The following KNG1 variants were observed in gnomAD, a reference collection of about 807,000 sequenced individuals.
KNG1 encodes kininogen 1, also known as kininogen-1.
In KNG1, 23 loss-of-function variants were observed where a neutral mutation model predicts 47.8. The ratio of observed to expected loss-of-function variants is 0.48; its 90% CI spans 0.35 to 0.68. The LOEUF is 0.68. Among genes scored for constraint, KNG1 ranks in the 30% least tolerant of loss-of-function variants. The pLI is 0.01. For synonymous variants in KNG1, 277 were observed against 277.0 expected, an observed-to-expected ratio of 1.00 and a Z score of 0.00; for missense variants, 762 against 790.2, an observed-to-expected ratio of 0.96 and a Z score of 0.43.
rs1213320581 is a variant in KNG1 at position 186,742,379 on chromosome 3, A to G, written c.*48A>G. 1 of 1,607,804 alleles carries G rather than the reference A, an allele frequency of 6.2e-7. No individual in the cohort carries two copies. The highest frequency in any genetic ancestry group is 1.1e-5 in the South Asian group (1 of 90,788). On this transcript the variant is annotated 3_prime_UTR_variant, in exon 10 of 10. Coordinates refer to ENST00000644859, the MANE Select transcript of KNG1 (RefSeq NM_001102416.3). ...TTTCATACTTTATTAAAGTATCAATATCCCTCTCTCCATTGTCCAGATGAA... is the reference window on the plus strand; with the variant it reads ...TTTCATACTTTATTAAAGTATCAATGTCCCTCTCTCCATTGTCCAGATGAA...
chr3:186,732,784 G>C (rs756392478), intron 7 of KNG1, 110 bp downstream of exon 7: 2 of 863,860 alleles, frequency 2.3e-6, no homozygotes, highest in Non-Finnish European at 4.0e-6. Context: ...ATTTGATAAT[G>C]TGATTTGGTG....
Position 186,732,657 on chromosome 3 carries a change from A to G in KNG1, c.913A>G (p.Lys305Glu), listed in dbSNP as rs769504916. The G allele has an allele frequency of 3.1e-6, 5 of 1,613,698 alleles. No individual in the cohort carries two copies. The highest frequency in any genetic ancestry group is 3.3e-5 in the Admixed American group (2 of 60,006). ...TTTCTATTTCAAGATTGACAATGTG[A>G]AAAAAGCAAGAGTACAGGTGTGTAA... The part of the protein sequence containing the change: ...ATFYFKIDNV[K>E]KARVQVVAGK... Residue 305 changes from lysine to glutamate, a missense_variant, in exon 7 of 10, where the codon AAA becomes GAA. Physicochemically the swap from Lys to Glu is moderately conservative, Grantham distance 56 (BLOSUM62 1). Coordinates refer to ENST00000644859, the MANE Select transcript of KNG1 (RefSeq NM_001102416.3).
intron 9 of KNG1, among the ~76,000 whole-genome samples, chr3:186,739,694 T>C (rs1720758285): frequency 6.6e-6 from 1 of 152,364 alleles, no homozygotes; most frequent in Middle Eastern, 3.4e-3. Flanking sequence ...ACATTGGCTA[T>C]GCCAGGTGTA....
chr3:186,722,374 A>T, intron 2 of KNG1, 63 bp from the exon 3 acceptor site: 1 of 1,294,980 alleles, frequency 7.7e-7, no homozygotes, highest in South Asian at 1.2e-5. Flanking sequence ...ATTTAGCAAC[A>T]GTATTAGGTA....
rs773141449 is a variant in KNG1 at position 186,741,842 on chromosome 3, T to A, written c.1446T>A (p.Asp482Glu). ...GHGHKFKLDD[D>E]LEHQGGHVLD... ...GACATAAGTTCAAACTTGATGATGA[T>A]CTTGAACACCAAGGGGGCCATGTCC... The change falls in exon 10 of 10, where the codon GAT becomes GAA. Residue 482 changes from aspartate to glutamate, a missense_variant. Asp to Glu is a conservative substitution (Grantham distance 45, BLOSUM62 2). Coordinates refer to ENST00000644859, the MANE Select transcript of KNG1 (RefSeq NM_001102416.3). 72 of 1,613,606 alleles carry A rather than the reference T, an allele frequency of 4.5e-5. No homozygotes were observed. Among genetic ancestry groups the A allele is most frequent in the Admixed American group, 8.3e-5 (5 of 59,920 alleles).
chr3:186,722,403 A>G (rs1352925491), intron 2 of KNG1, 34 bp from the exon 3 acceptor site: 1 of 1,545,056 alleles, frequency 6.5e-7, no homozygotes, highest in Admixed American at 1.7e-5. Context: ...CATCTGAAAG[A>G]TTAAGATAAA....
chr3:186,732,585 A>T lies in KNG1; in HGVS notation c.841A>T (p.Thr281Ser). ...IPTNSPELEE[T>S]LTHTITKLNA... ...CACCAACAGCCCAGAGCTGGAGGAGACACTGACTCACACCATCACAAAGCT... is the reference window on the plus strand; with the variant it reads ...CACCAACAGCCCAGAGCTGGAGGAGTCACTGACTCACACCATCACAAAGCT... Residue 281 changes from threonine to serine, a missense_variant, in exon 7 of 10, where the codon ACA (threonine) becomes TCA (serine). Thr to Ser is a moderately conservative substitution (Grantham distance 58). Coordinates refer to ENST00000644859, the MANE Select transcript of KNG1 (RefSeq NM_001102416.3). The T allele has an allele frequency of 6.2e-7, 1 of 1,613,924 alleles. No homozygotes were observed.
At chr3:186,732,280 T>C (rs1624569) in intron 6 of KNG1, among the ~76,000 whole-genome samples, 57,078 of 151,986 alleles carry the variant, frequency 0.38, 10,841 homozygotes, top group South Asian at 0.48. Context: ...TTACTCGCAC[T>C]TTCCTATTGA....
intron 4 of KNG1, among the ~76,000 whole-genome samples, chr3:186,725,623 C>A (rs1178912387): frequency 7.0e-6 from 1 of 143,126 alleles, no homozygotes; most frequent in East Asian, 2.0e-4. Context: ...CGGCTCACTG[C>A]AAGCTCCGCC....
chr3:186,731,496 C>A, intron 5 of KNG1, 49 bp from the exon 6 acceptor site: 1 of 1,087,324 alleles, frequency 9.2e-7, no homozygotes, highest in South Asian at 1.3e-5. Flanking sequence ...ACTTTTAAGA[C>A]TCTAAAAAAT....
intron 2 of KNG1, chr3:186,721,980 T>C (rs1720212779): frequency 5.8e-6 from 1 of 172,300 alleles, no homozygotes; most frequent in South Asian, 1.3e-4. Context: ...CTGGGTGTGG[T>C]GGCACGTGCA....
At chr3:186,730,666 AAAAAAAAAAAAAAAAAAATATATATATAT>A (rs1162767094) in intron 5 of KNG1, among the ~76,000 whole-genome samples, 41 of 74,218 alleles carry the variant, frequency 5.5e-4, no homozygotes, top group South Asian at 8.4e-4. Flanking sequence ...AAAAAAAAAA[AAAAAAAAAAAAAAAAAAATATATATATAT>A]ATATATATAT....
intron 5 of KNG1, among the ~76,000 whole-genome samples, chr3:186,730,990 T>C (rs539755793): frequency 1.3e-5 from 2 of 152,222 alleles, no homozygotes; most frequent in African/African-American, 4.8e-5. Flanking sequence ...CGTGTAATTT[T>C]TTCTACTTTA....
At chr3:186,727,447 C>T (rs1260387286) in intron 5 of KNG1, 103 bp downstream of exon 5, 3 of 769,988 alleles carry the variant, frequency 3.9e-6, no homozygotes, top group Admixed American at 1.9e-5. Context: ...GTTTAGATGA[C>T]ATTCAGCAAT....
At chr3:186,725,054 A>G (rs1720315433) in intron 3 of KNG1, 34 bp from the exon 4 acceptor site, 3 of 1,612,274 alleles carry the variant, frequency 1.9e-6, no homozygotes, top group Non-Finnish European at 2.5e-6. Context: ...GATTGCGATC[A>G]TTAATGCTGT....
At chr3:186,727,102 G>A (rs909093561) in intron 4 of KNG1, 135 bp from the exon 5 acceptor site, 1 of 680,544 alleles carries the variant, frequency 1.5e-6, no homozygotes, top group Non-Finnish European at 2.6e-6. Context: ...TTTTTGCCTA[G>A]TAATAATAAT....
chr3:186,741,785 T>C lies in KNG1; in HGVS notation c.1389T>C (p.His463=), dbSNP rs1720819215. 1 of 1,613,904 alleles carries C rather than the reference T, an allele frequency of 6.2e-7. No individual in the cohort carries two copies. The highest frequency in any genetic ancestry group is 8.5e-7 in the Non-Finnish European group (1 of 1,179,974). ...HGHQRGHGLG[H]GHEQQHGLGH... is the part of the protein sequence containing the mutation. ...ACCAAAGAGGACATGGCCTTGGCCA[T>C]GGACACGAACAACAGCATGGTCTTG... Residue 463 remains histidine (H), a synonymous_variant, in exon 10 of 10, where the codon CAT becomes CAC. Transcript: ENST00000644859.
At chr3:186,733,267 TAA>T (rs370910454) in intron 7 of KNG1, among the ~76,000 whole-genome samples, 9 of 151,136 alleles carry the variant, frequency 6.0e-5, no homozygotes, top group African/African-American at 2.0e-4. Flanking sequence ...AATAAATAAA[TAA>T]ATACAATAGC....
At chr3:186,739,467 C>A in intron 9 of KNG1, 53 bp downstream of exon 9, 2 of 1,235,800 alleles carry the variant, frequency 1.6e-6, no homozygotes, top group Non-Finnish European at 2.4e-6. Flanking sequence ...TTCTGAAAAT[C>A]CATATTTGGG....
Sources: gnomAD v4.1 joint callset for allele counts (sites outside exome capture counted in the v4.1 genomes callset) on GRCh38, gnomAD v4.1.1 for gene constraint, MANE v1.5 for transcripts, NCBI Gene and HGNC (gene_info 2026-07-23, HGNC 2026-07-21) for gene names.